MCTP1: variants seen among roughly 807,000 people sequenced by gnomAD.
The protein encoded by MCTP1 is multiple C2 and transmembrane domain containing 1, also known as multiple C2 and transmembrane domain-containing protein 1.
MCTP1 carries 69 observed loss-of-function variants against 120.6 expected under a neutral mutation model. That is an observed-to-expected ratio of 0.57 (90% CI 0.47 to 0.70). The LOEUF is 0.70. MCTP1 is among the 30% of genes least tolerant of loss of function. MCTP1 has a pLI of 0.00. For synonymous variants in MCTP1, 529 were observed against 493.1 expected, an observed-to-expected ratio of 1.07 and a Z score of -0.96; for missense variants, 1,203 against 1,248.8, an observed-to-expected ratio of 0.96 and a Z score of 0.55.
chr5:95,162,896 G>A (rs1026201020), intron 1 of MCTP1, among the ~76,000 whole-genome samples: 1 of 152,044 alleles, frequency 6.6e-6, no homozygotes, highest in Non-Finnish European at 1.5e-5. Context: ...ATATTGGCAG[G>A]AACTAGGATT....
At chr5:94,907,242 A>T (rs1807150187) in intron 10 of MCTP1, among the ~76,000 whole-genome samples, 1 of 152,226 alleles carries the variant, frequency 6.6e-6, no homozygotes, top group Non-Finnish European at 1.5e-5. Context: ...ATTTGAAATG[A>T]TGATGCATCA....
chr5:94,716,746 T>C (rs1055141492), intron 19 of MCTP1, among the ~76,000 whole-genome samples: 2 of 147,600 alleles, frequency 1.4e-5, no homozygotes, highest in East Asian at 1.9e-4. Context: ...TTACGAAATA[T>C]ATAAAAAGTT....
At chr5:95,177,074 A>G (rs1056930254) in intron 1 of MCTP1, among the ~76,000 whole-genome samples, 4 of 151,606 alleles carry the variant, frequency 2.6e-5, no homozygotes, top group Non-Finnish European at 5.9e-5. Flanking sequence ...TACATAATAT[A>G]TACACATAAT....
At chr5:95,266,976 G>A (rs1758932613) in intron 1 of MCTP1, among the ~76,000 whole-genome samples, 1 of 152,296 alleles carries the variant, frequency 6.6e-6, no homozygotes, top group South Asian at 2.1e-4. Flanking sequence ...TATAACAAAT[G>A]TAATGGTGAG....
chr5:94,826,334 A>T, intron 17 of MCTP1: 1 of 546,506 alleles, frequency 1.8e-6, no homozygotes, highest in Non-Finnish European at 3.4e-6. Flanking sequence ...AGCTTCACAA[A>T]GGTTCCACTG....
intron 10 of MCTP1, among the ~76,000 whole-genome samples, chr5:94,905,693 T>G (rs1806675852): frequency 6.6e-6 from 1 of 152,258 alleles, no homozygotes; most frequent in South Asian, 2.1e-4. Context: ...TGTGTGGGAC[T>G]GAAGGTTAGA....
At chr5:95,016,587 T>C (rs1837155070) in intron 2 of MCTP1, among the ~76,000 whole-genome samples, 1 of 151,938 alleles carries the variant, frequency 6.6e-6, no homozygotes, top group African/African-American at 2.4e-5. Context: ...GCCTGGGGAC[T>C]CTCCTTCCTC....
chr5:95,007,490 T>C (rs1292020456), intron 2 of MCTP1, among the ~76,000 whole-genome samples: 1 of 152,196 alleles, frequency 6.6e-6, no homozygotes, highest in Non-Finnish European at 1.5e-5. Context: ...AATATTACTA[T>C]GCCTTCCTCA....
intron 18 of MCTP1, 56 bp from the exon 19 acceptor site, chr5:94,779,219 T>C: frequency 6.8e-7 from 1 of 1,463,032 alleles, no homozygotes; most frequent in Non-Finnish European, 9.6e-7. Context: ...AATTTTGTTC[T>C]GTCATTTTGA....
chr5:94,850,181 C>A (rs1793368006), intron 17 of MCTP1, among the ~76,000 whole-genome samples: 1 of 152,126 alleles, frequency 6.6e-6, no homozygotes, highest in Admixed American at 6.6e-5. Context: ...AAAGAGGCCT[C>A]ATGATTTTCA....
At chr5:94,907,355 C>T (rs922331782) in intron 10 of MCTP1, among the ~76,000 whole-genome samples, 1 of 152,160 alleles carries the variant, frequency 6.6e-6, no homozygotes, top group Non-Finnish European at 1.5e-5. Flanking sequence ...ACACTCATTC[C>T]TTTCATTGTG....
intron 19 of MCTP1, among the ~76,000 whole-genome samples, chr5:94,778,870 ATTAT>A (rs1775984204): frequency 6.6e-6 from 1 of 152,136 alleles, no homozygotes; most frequent in Non-Finnish European, 1.5e-5. Flanking sequence ...GACAAGCTGA[ATTAT>A]TTTTTTGTTT....
At chr5:94,747,410 G>A (rs4869219) in intron 19 of MCTP1, among the ~76,000 whole-genome samples, 41,717 of 151,966 alleles carry the variant, frequency 0.27, 6,107 homozygotes, top group East Asian at 0.47. Context: ...CTCTTGGATA[G>A]CTTCCAATTC....
chr5:95,233,933 G>A (rs1318573746), intron 1 of MCTP1, among the ~76,000 whole-genome samples: 1 of 151,430 alleles, frequency 6.6e-6, no homozygotes, highest in Non-Finnish European at 1.5e-5. Context: ...AAACAGTGGG[G>A]AAAGTCAATG....
At chr5:94,817,344 G>C (rs1200239205) in intron 17 of MCTP1, among the ~76,000 whole-genome samples, 1 of 152,120 alleles carries the variant, frequency 6.6e-6, no homozygotes, top group African/African-American at 2.4e-5. Context: ...TGAGGCGGAG[G>C]TTGCAGTGAG....
intron 19 of MCTP1, among the ~76,000 whole-genome samples, chr5:94,769,218 T>C (rs900687075): frequency 1.3e-5 from 2 of 152,124 alleles, no homozygotes; most frequent in Non-Finnish European, 2.9e-5. Context: ...AGAATAATAG[T>C]TACTAGAGGC....
chr5:95,154,866 A>T (rs1744925441), intron 1 of MCTP1, among the ~76,000 whole-genome samples: 1 of 152,116 alleles, frequency 6.6e-6, no homozygotes, highest in Non-Finnish European at 1.5e-5. Context: ...CATTTCCATG[A>T]TTTATTAAGG....
intron 5 of MCTP1, among the ~76,000 whole-genome samples, chr5:94,933,938 G>T (rs1327933089): frequency 2.0e-5 from 3 of 151,780 alleles, no homozygotes; most frequent in Admixed American, 1.3e-4. Flanking sequence ...AAAAGTCAGT[G>T]ATTACCCTAA....
chr5:95,187,367 T>C (rs1172206439), intron 1 of MCTP1, among the ~76,000 whole-genome samples: 1 of 152,138 alleles, frequency 6.6e-6, no homozygotes, highest in Non-Finnish European at 1.5e-5. Flanking sequence ...ACAAACATCA[T>C]ATGTTCTCAC....
Sources: allele counts gnomAD v4.1 joint callset (sites outside exome capture counted in the v4.1 genomes callset), GRCh38; gene constraint gnomAD v4.1.1; transcripts MANE v1.5; gene names NCBI Gene and HGNC (gene_info 2026-07-23, HGNC 2026-07-21).